ARL15: variants seen among roughly 807,000 people sequenced by gnomAD.
The protein encoded by ARL15 is ARF like GTPase 15.
Under a neutral mutation model 25.2 loss-of-function variants are expected in ARL15, and 19 were observed. The observed-to-expected ratio is 0.75, with a 90% confidence interval of 0.53 to 1.10. ARL15 has a LOEUF of 1.10. Among genes scored for constraint, ARL15 ranks in the 50% least tolerant of loss-of-function variants. The probability of loss-of-function intolerance (pLI) is 0.00; values close to 1 mark genes in which losing one functional copy is unlikely to be tolerated. For synonymous variants in ARL15, 94 were observed against 86.8 expected (o/e 1.08, Z -0.46); for missense variants, 220 against 246.0 (o/e 0.89, Z 0.71).
intron 4 of ARL15, among the ~76,000 whole-genome samples, chr5:54,045,119 A>G (rs1036810395): frequency 2.0e-5 from 3 of 152,128 alleles, no homozygotes; most frequent in African/African-American, 7.2e-5. Context: ...GTGGTTCACT[A>G]TACCTTACCT....
chr5:53,898,009 G>C (rs1744928700), intron 4 of ARL15, among the ~76,000 whole-genome samples: 1 of 152,074 alleles, frequency 6.6e-6, no homozygotes, highest in Admixed American at 6.6e-5. Context: ...AAAATAAAAT[G>C]TCATTAATAA....
intron 1 of ARL15, among the ~76,000 whole-genome samples, chr5:54,298,323 A>C (rs183183253): frequency 6.6e-6 from 1 of 152,186 alleles, no homozygotes; most frequent in Non-Finnish European, 1.5e-5. Context: ...ACAACCATCT[A>C]AATGTGTGCC....
chr5:54,172,058 G>T (rs1489358130), intron 1 of ARL15, 130 bp from the exon 2 acceptor site: 5 of 1,138,226 alleles, frequency 4.4e-6, no homozygotes, highest in Non-Finnish European at 6.0e-6. Context: ...GAAGAAAACG[G>T]TAACTTTAGA....
chr5:54,058,856 G>C (rs564787083), intron 4 of ARL15, among the ~76,000 whole-genome samples: 9 of 152,298 alleles, frequency 5.9e-5, no homozygotes, highest in African/African-American at 2.2e-4. Flanking sequence ...TGAGAGAATA[G>C]CACATAGAGG....
intron 4 of ARL15, among the ~76,000 whole-genome samples, chr5:54,066,718 C>T (rs1452508221): frequency 6.6e-6 from 1 of 152,036 alleles, no homozygotes; most frequent in Non-Finnish European, 1.5e-5. Flanking sequence ...AAAACTACTT[C>T]CCAACCTGCT....
chr5:54,304,983 C>T (rs1184146809), intron 1 of ARL15, among the ~76,000 whole-genome samples: 1 of 152,048 alleles, frequency 6.6e-6, no homozygotes, highest in Non-Finnish European at 1.5e-5. Flanking sequence ...CCCTTTGTAG[C>T]ACATCATGGG....
intron 1 of ARL15, among the ~76,000 whole-genome samples, chr5:54,252,081 G>A (rs1390796125): frequency 2.0e-5 from 3 of 152,200 alleles, no homozygotes; most frequent in African/African-American, 4.8e-5. Flanking sequence ...TCAGCAACAT[G>A]CAGACTAGGA....
intron 4 of ARL15, among the ~76,000 whole-genome samples, chr5:54,076,144 C>T (rs896749764): frequency 2.0e-5 from 3 of 152,150 alleles, no homozygotes; most frequent in Non-Finnish European, 2.9e-5. Context: ...AGGCCAGGCG[C>T]GGTGGCTCAC....
chr5:54,111,962 G>A (rs1179080222), intron 4 of ARL15, among the ~76,000 whole-genome samples: 1 of 152,028 alleles, frequency 6.6e-6, no homozygotes, highest in Non-Finnish European at 1.5e-5. Flanking sequence ...ATGACTTTCT[G>A]AATAGATTTT....
At chr5:54,206,804 C>T (rs1755882841) in intron 1 of ARL15, among the ~76,000 whole-genome samples, 3 of 152,188 alleles carry the variant, frequency 2.0e-5, no homozygotes, top group Admixed American at 1.3e-4. Flanking sequence ...GGGCAGCCAA[C>T]CTTATCAACA....
intron 2 of ARL15, among the ~76,000 whole-genome samples, chr5:54,162,607 G>T (rs965829644): frequency 2.0e-5 from 3 of 152,084 alleles, no homozygotes; most frequent in Admixed American, 6.5e-5. Flanking sequence ...AATTTTCAGG[G>T]ATTTTGTTCA....
At chr5:54,132,423 T>C (rs1399929972) in intron 3 of ARL15, among the ~76,000 whole-genome samples, 2 of 152,148 alleles carry the variant, frequency 1.3e-5, no homozygotes, top group African/African-American at 4.8e-5. Context: ...TGGAAATCAT[T>C]AACCCAAAAT....
At chr5:54,114,406 G>GAAAAAAAAAAAAAAAA (rs1171369744) in intron 3 of ARL15, among the ~76,000 whole-genome samples, 10 of 74,472 alleles carry the variant, frequency 1.3e-4, no homozygotes, top group South Asian at 7.1e-4. Flanking sequence ...TCCATCTCAA[G>GAAAAAAAAAAAAAAAA]AAAAAAAAAA....
intron 4 of ARL15, among the ~76,000 whole-genome samples, chr5:54,107,013 C>T (rs1752607955): frequency 6.6e-6 from 1 of 151,964 alleles, no homozygotes; most frequent in Non-Finnish European, 1.5e-5. Flanking sequence ...ATACTCAAGA[C>T]TGGGAAGAAA....
At chr5:54,305,268 G>A (rs546629735) in intron 1 of ARL15, among the ~76,000 whole-genome samples, 3 of 152,232 alleles carry the variant, frequency 2.0e-5, no homozygotes, top group East Asian at 3.9e-4. Flanking sequence ...GGGAGGTCGA[G>A]GCAGGTGGAT....
intron 1 of ARL15, among the ~76,000 whole-genome samples, chr5:54,213,365 AC>A (rs1313819728): frequency 1.3e-5 from 2 of 152,268 alleles, no homozygotes; most frequent in African/African-American, 2.4e-5. Context: ...TGCTCGAGTC[AC>A]CCCCTCCACT....
At chr5:53,995,463 G>C (rs919970318) in intron 4 of ARL15, among the ~76,000 whole-genome samples, 2 of 151,994 alleles carry the variant, frequency 1.3e-5, no homozygotes, top group Non-Finnish European at 2.9e-5. Flanking sequence ...GTATAAAACA[G>C]AAATATGTTT....
At chr5:54,051,405 T>A (rs543681448) in intron 4 of ARL15, among the ~76,000 whole-genome samples, 1 of 152,352 alleles carries the variant, frequency 6.6e-6, no homozygotes, top group Non-Finnish European at 1.5e-5. Flanking sequence ...TTTTTCTTCC[T>A]GTTCCTTTGC....
intron 1 of ARL15, among the ~76,000 whole-genome samples, chr5:54,295,535 T>C (rs1758443197): frequency 6.6e-6 from 1 of 152,144 alleles, no homozygotes; most frequent in Non-Finnish European, 1.5e-5. Context: ...AGCAATCGCG[T>C]GATCACATCT....
Sources: gnomAD v4.1 joint callset for allele counts (sites outside exome capture counted in the v4.1 genomes callset) on GRCh38, gnomAD v4.1.1 for gene constraint, MANE v1.5 for transcripts, NCBI Gene and HGNC (gene_info 2026-07-23, HGNC 2026-07-21) for gene names.